Variants in SMARCD3 observed in about 807,000 individuals in gnomAD.
SMARCD3 encodes SWI/SNF related BAF chromatin remodeling complex subunit D3, also known as SWI/SNF-related matrix-associated actin-dependent regulator of chromatin subfamily D member 3.
SMARCD3 carries 14 observed loss-of-function variants against 58.0 expected under a neutral mutation model. The observed-to-expected ratio is 0.24, with a 90% CI of 0.16 to 0.38. SMARCD3 has a LOEUF of 0.38. SMARCD3 is among the 10% of genes least tolerant of loss of function. The pLI, the probability that SMARCD3 is intolerant of heterozygous loss-of-function variation, is 1.00. For synonymous variants in SMARCD3, 253 were observed against 253.8 expected (o/e 1.00, Z 0.03); for missense variants, 408 against 636.9 (o/e 0.64, Z 3.87).
rs370893960 is a variant in SMARCD3 at position 151,243,749 on chromosome 7, G to A, written c.291-48C>T. On this transcript the variant is annotated intron_variant, in intron 2 of 12. Coordinates refer to ENST00000262188, the MANE Select transcript of SMARCD3 (RefSeq NM_001003801.2). This position sits in a 1 kb window ranked among gnomAD's most constrained non-coding sequence, Gnocchi z 4.4. ...ACCAGGTTACCATGGCGACAGATCT[G>A]GGCGTAACGAGGCCACCTGCTAGAT... 7.9e-6 allele frequency: 11 copies of A among 1,399,460 alleles called. No homozygotes were observed. The highest frequency in any genetic ancestry group is 1.7e-5 in the Admixed American group (1 of 59,762). The allele number at this position is 1,399,460 out of a possible 1,614,324, so 86.7% of individuals were successfully genotyped here.
At position 151,246,670 on chromosome 7, in the gene SMARCD3, G is replaced by A. The variant is rs988226619; in HGVS notation, c.79-999C>T. On this transcript the variant is annotated intron_variant, in intron 1 of 12. Coordinates refer to ENST00000262188, the MANE Select transcript of SMARCD3 (RefSeq NM_001003801.2). The surrounding 1 kb of genome is among the most constrained non-coding windows in gnomAD (Gnocchi z 4.4). ...GGGGCTGTGGAGACTGAGAGGAGGC[G>A]GCTCCTCCTCCCTTGCCACTACCCC... Among the ~76,000 whole-genome samples, 3 of 152,054 alleles carry A rather than the reference G, an allele frequency of 2.0e-5. No individual in the cohort carries two copies. Among genetic ancestry groups the A allele is most frequent in the South Asian group, 4.1e-4 (2 of 4,820 alleles).
Position 151,245,980 on chromosome 7 carries a change from T to C in SMARCD3, c.79-309A>G, listed in dbSNP as rs1803241313. 8.3e-6 allele frequency: 2 copies of C among 240,906 alleles called. No homozygotes were observed. Among genetic ancestry groups the C allele is most frequent in the African/African-American group, 4.5e-5 (2 of 44,280 alleles). The allele number at this position is 240,906 out of a possible 1,614,324, so 14.9% of individuals were successfully genotyped here. On this transcript the variant is annotated intron_variant, in intron 1 of 12. Transcript: ENST00000262188. This position sits in a 1 kb window ranked among gnomAD's most constrained non-coding sequence, Gnocchi z 6.2. ...GAATATTAATGGCGCCTTTCAACCT[T>C]TCAAAGATGTTCACATCCACATGCT...
intron 2 of SMARCD3, among the ~76,000 whole-genome samples, chr7:151,261,021 C>G (rs1391115547): frequency 2.0e-5 from 3 of 152,172 alleles, no homozygotes; most frequent in Admixed American, 1.3e-4. Flanking sequence ...ACCAAGAAGC[C>G]TCATGAAGAC....
Position 151,239,284 on chromosome 7 carries a change from A to G in SMARCD3, c.1398+112T>C. Reference sequence around the variant, plus strand: ...AGGGAGGGCCATTGCATGGTGAGGCAGCGTGGTGAAGCTTTACTGTGGGGA... The same window carrying G: ...AGGGAGGGCCATTGCATGGTGAGGCGGCGTGGTGAAGCTTTACTGTGGGGA... On this transcript the variant is annotated intron_variant, in intron 12 of 12. Coordinates refer to ENST00000262188, the MANE Select transcript of SMARCD3 (RefSeq NM_001003801.2). The surrounding 1 kb of genome is among the most constrained non-coding windows in gnomAD (Gnocchi z 7.0). The G allele has an allele frequency of 7.7e-7, 1 of 1,299,728 alleles. No homozygotes were observed. The highest frequency in any genetic ancestry group is 1.1e-6 in the Non-Finnish European group (1 of 895,966). 80.5% of individuals were successfully genotyped at this position (1,299,728 alleles called of 1,614,324 possible).
Position 151,248,626 on chromosome 7 carries a change from C to T in SMARCD3, c.-64G>A. On this transcript the variant is annotated 5_prime_UTR_variant, in exon 1 of 13. Transcript: ENST00000262188. The surrounding 1 kb of genome is among the most constrained non-coding windows in gnomAD (Gnocchi z 6.1). The stretch of plus-strand genomic sequence containing the variant: ...CTTCCTCTTTCTTTCCCTTTTCTGC[C>T]TTTTTTTTTCCTCCAACTCTCCCCT... 3.8e-6 allele frequency: 6 copies of T among 1,587,814 alleles called. No homozygotes were observed. The highest frequency in any genetic ancestry group is 5.2e-6 in the Non-Finnish European group (6 of 1,162,538).
In SMARCD3 at chr7:151,239,212, C is replaced by G. The variant is rs1802820978; in HGVS notation, c.1399-56G>C. 1.3e-6 allele frequency: 2 copies of G among 1,575,718 alleles called. No individual in the cohort carries two copies. Among genetic ancestry groups the G allele is most frequent in the South Asian group, 2.2e-5 (2 of 90,352 alleles). The stretch of plus-strand genomic sequence containing the variant: ...TCAGTGTTCTGGTGAGTGATCAGGA[C>G]AATCCCACCTACTGACACCGCCTGC... On this transcript the variant is annotated intron_variant, in intron 12 of 12. Transcript: ENST00000262188. The surrounding 1 kb of genome is among the most constrained non-coding windows in gnomAD (Gnocchi z 7.0).
In SMARCD3 at chr7:151,246,846, G is replaced by A. The variant is rs1316486670; in HGVS notation, c.79-1175C>T. 6.6e-6 allele frequency among the ~76,000 whole-genome samples: 1 copy of A among 152,116 alleles called. No individual in the cohort carries two copies. Among genetic ancestry groups the A allele is most frequent in the African/African-American group, 2.4e-5 (1 of 41,404 alleles). ...AAAGAGCGGGGTGGGATGGGGACTG[G>A]GACCACGAAAGCAGGAAGAAGATCA... On this transcript the variant is annotated intron_variant, in intron 1 of 12. Transcript: ENST00000262188. This position sits in a 1 kb window ranked among gnomAD's most constrained non-coding sequence, Gnocchi z 4.4.
At chr7:151,262,617 C>T (rs955150650) in intron 2 of SMARCD3, among the ~76,000 whole-genome samples, 2 of 152,208 alleles carry the variant, frequency 1.3e-5, no homozygotes, top group African/African-American at 2.4e-5. Context: ...TGGTGGTCAT[C>T]GAGAAAGACA....
chr7:151,247,125 T>TCAGGCCTC (rs1803305812), intron 1 of SMARCD3, among the ~76,000 whole-genome samples: 1 of 152,070 alleles, frequency 6.6e-6, no homozygotes, highest in African/African-American at 2.4e-5. Context: ...ACCCTGTCAC[T>TCAGGCCTC]CAGGCCTCCA....
In SMARCD3 at chr7:151,242,330, A is replaced by G; in HGVS notation, c.580-98T>C. 7.1e-7 allele frequency: 1 copy of G among 1,411,802 alleles called. No homozygotes were observed. The allele number at this position is 1,411,802 out of a possible 1,614,324, so 87.5% of individuals were successfully genotyped here. ...GCAGCCGACAGGGCAGTGGGCTTAG[A>G]TGAAATCCTCTGCACTTGGAATGTC... On this transcript the variant is annotated intron_variant, in intron 5 of 12. Transcript: ENST00000262188. The surrounding 1 kb of genome is among the most constrained non-coding windows in gnomAD (Gnocchi z 4.7).
intron 1 of SMARCD3, among the ~76,000 whole-genome samples, chr7:151,275,783 C>A (rs1280787939): frequency 6.6e-6 from 1 of 152,198 alleles, no homozygotes; most frequent in African/African-American, 2.4e-5. Context: ...CTGCTTCCTT[C>A]CTTGCTGGAA....
chr7:151,253,945 C>T (rs1337482421), intron 2 of SMARCD3, among the ~76,000 whole-genome samples: 2 of 152,012 alleles, frequency 1.3e-5, no homozygotes, highest in Admixed American at 1.3e-4. Flanking sequence ...CCTCACTCTC[C>T]TCTCCTCTCC....
At chr7:151,240,544 G>A in intron 8 of SMARCD3, 22 bp from the exon 9 acceptor site, 2 of 1,539,224 alleles carry the variant, frequency 1.3e-6, no homozygotes, top group East Asian at 2.3e-5. Context: ...CAATTGGGGA[G>A]AGAGAGATCA....
chr7:151,269,287 T>C (rs1335351025), intron 2 of SMARCD3, among the ~76,000 whole-genome samples: 1 of 152,160 alleles, frequency 6.6e-6, no homozygotes, highest in African/African-American at 2.4e-5. Context: ...CTCTTGCATC[T>C]ACTTAGGCCC....
At chr7:151,261,825 G>C (rs1225647158) in intron 2 of SMARCD3, among the ~76,000 whole-genome samples, 1 of 152,210 alleles carries the variant, frequency 6.6e-6, no homozygotes, top group African/African-American at 2.4e-5. Flanking sequence ...CGAGGGCCGA[G>C]CTGCTGCTCT....
At chr7:151,256,470 C>T (rs1489581991) in intron 2 of SMARCD3, among the ~76,000 whole-genome samples, 8 of 152,074 alleles carry the variant, frequency 5.3e-5, no homozygotes, top group African/African-American at 1.9e-4. Context: ...TGCACCTGAC[C>T]CCTTGTGTAC....
chr7:151,252,440 T>TGTGAGAGAGAGA (rs139159274), upstream of SMARCD3, among the ~76,000 whole-genome samples: 1 of 149,412 alleles, frequency 6.7e-6, no homozygotes, highest in Non-Finnish European at 1.5e-5. Context: ...TGTGTGTGTG[T>TGTGAGAGAGAGA]GAGAGAGAGA....
chr7:151,266,586 T>C (rs1804086761), intron 2 of SMARCD3, among the ~76,000 whole-genome samples: 1 of 152,218 alleles, frequency 6.6e-6, no homozygotes, highest in African/African-American at 2.4e-5. Context: ...TCCAGACTAA[T>C]GTACACCCTT....
chr7:151,243,575 G>A lies in SMARCD3; in HGVS notation c.333+84C>T. The A allele has an allele frequency of 1.3e-6, 1 of 795,026 alleles. No homozygotes were observed. Among genetic ancestry groups the A allele is most frequent in the South Asian group, 1.4e-5 (1 of 71,424 alleles). 49.2% of individuals were successfully genotyped at this position (795,026 alleles called of 1,614,324 possible). A position where few individuals can be genotyped will look rare whatever the true frequency, so the allele number is the denominator to read the frequency against. ...AAAAAGTGAAAGTGACTGTGATGCT[G>A]AAGCTCTGCTTCTGAGGGGGGAGGG... is the stretch of plus-strand genomic sequence containing the variant. On this transcript the variant is annotated intron_variant, in intron 3 of 12. Transcript: ENST00000262188. The surrounding 1 kb of genome is among the most constrained non-coding windows in gnomAD (Gnocchi z 4.4).
Sources: allele counts gnomAD v4.1 joint callset (sites outside exome capture counted in the v4.1 genomes callset), GRCh38; gene constraint gnomAD v4.1.1; non-coding constraint Gnocchi (gnomAD v3.1); transcripts MANE v1.5; gene names NCBI Gene and HGNC (gene_info 2026-07-23, HGNC 2026-07-21).